The following ACAP2 variants were observed in gnomAD, a reference collection of about 807,000 sequenced individuals.
ACAP2 encodes ArfGAP with coiled-coil, ankyrin repeat and PH domains 2.
Under a neutral mutation model 115.8 loss-of-function variants are expected in ACAP2, and 39 were observed. That is an observed-to-expected ratio of 0.34 (90% CI 0.26 to 0.44). ACAP2 has a LOEUF of 0.44. Among genes scored for constraint, ACAP2 ranks in the 20% least tolerant of loss-of-function variants. The pLI is 1.00. For synonymous variants in ACAP2, 289 were observed against 315.8 expected (o/e 0.92, Z 0.90); for missense variants, 662 against 927.6 (o/e 0.71, Z 3.72).
At chr3:195,356,297 G>A (rs1438854442) in intron 4 of ACAP2, 3 of 414,848 alleles carry the variant, frequency 7.2e-6, no homozygotes, top group Non-Finnish European at 1.5e-5. Context: ...CCAGCCCCAG[G>A]GACAGGACAA....
chr3:195,345,141 A>G, intron 5 of ACAP2, 118 bp downstream of exon 5: 1 of 751,216 alleles, frequency 1.3e-6, no homozygotes, highest in Middle Eastern at 3.2e-4. Flanking sequence ...TTCACAAAGC[A>G]AACAAAATGT....
intron 4 of ACAP2, among the ~76,000 whole-genome samples, chr3:195,347,116 T>C (rs1731237209): frequency 6.6e-6 from 1 of 152,160 alleles, no homozygotes; most frequent in African/African-American, 2.4e-5. Flanking sequence ...TTTGTTATAT[T>C]TAAATTTAAA....
chr3:195,390,561 C>T (rs1413706459), intron 2 of ACAP2, among the ~76,000 whole-genome samples: 2 of 152,092 alleles, frequency 1.3e-5, no homozygotes, highest in African/African-American at 2.4e-5. Context: ...TATTTTATAT[C>T]CTTGCTACTC....
At chr3:195,364,087 G>A (rs1732551323) in intron 4 of ACAP2, among the ~76,000 whole-genome samples, 1 of 152,086 alleles carries the variant, frequency 6.6e-6, no homozygotes, top group Admixed American at 6.6e-5. Flanking sequence ...GGCAACCAAG[G>A]CAAAAGTGGA....
At chr3:195,365,880 G>A (rs13317705) in intron 4 of ACAP2, among the ~76,000 whole-genome samples, 35,709 of 144,480 alleles carry the variant, frequency 0.25, 5,009 homozygotes, top group East Asian at 0.72. Flanking sequence ...TTCCTTTGCC[G>A]CCTAAGCTGG....
At chr3:195,309,130 T>A (rs1481958470) in intron 10 of ACAP2, among the ~76,000 whole-genome samples, 3 of 152,214 alleles carry the variant, frequency 2.0e-5, no homozygotes, top group African/African-American at 7.2e-5. Context: ...CACCAAATAA[T>A]AACTGTTTTA....
chr3:195,412,139 T>C (rs533970521), intron 1 of ACAP2, among the ~76,000 whole-genome samples: 6 of 120,720 alleles, frequency 5.0e-5, no homozygotes, highest in Non-Finnish European at 9.6e-5. Context: ...AAGACCAGCC[T>C]GGGTCACAGA....
intron 1 of ACAP2, among the ~76,000 whole-genome samples, chr3:195,432,429 A>G (rs1715200248): frequency 3.9e-5 from 6 of 152,200 alleles, no homozygotes; most frequent in Admixed American, 2.6e-4. Flanking sequence ...TCTTTGCACC[A>G]TTTGTTCAAA....
intron 10 of ACAP2, among the ~76,000 whole-genome samples, chr3:195,314,561 GC>G (rs1728969948): frequency 6.6e-6 from 1 of 152,164 alleles, no homozygotes; most frequent in African/African-American, 2.4e-5. Flanking sequence ...GAGCCACCAT[GC>G]CCAGCCAGAA....
chr3:195,296,018 T>G lies in ACAP2; in HGVS notation c.1488-126A>C, dbSNP rs576682026. ...GAATGTAATACTGGTTAAAACTGAA[T>G]CTGTGACATTATACATATATATATT... On this transcript the variant is annotated intron_variant, in intron 16 of 22. Transcript: ENST00000326793. 64 of 686,096 alleles carry G rather than the reference T, an allele frequency of 9.3e-5. 1 individual carries two copies. In the African/African-American group the frequency reaches 1.0e-3, roughly 11 times the overall value. The allele number at this position is 686,096 out of a possible 1,614,324, so 42.5% of individuals were successfully genotyped here.
intron 4 of ACAP2, among the ~76,000 whole-genome samples, chr3:195,373,145 T>C (rs1031418608): frequency 6.6e-6 from 1 of 152,032 alleles, no homozygotes; most frequent in Admixed American, 6.6e-5. Flanking sequence ...TAAGAATTTA[T>C]TTGGAGCCAG....
At chr3:195,414,694 C>G (rs1004299476) in intron 1 of ACAP2, among the ~76,000 whole-genome samples, 3 of 152,132 alleles carry the variant, frequency 2.0e-5, no homozygotes, top group African/African-American at 7.2e-5. Flanking sequence ...TTTTGAGCAA[C>G]CACATGACAC....
chr3:195,410,635 A>T (rs1315741662), intron 1 of ACAP2: 1 of 152,538 alleles, frequency 6.6e-6, no homozygotes, highest in African/African-American at 2.4e-5. Flanking sequence ...ACGACTGGCC[A>T]ATCAGCACAT....
intron 4 of ACAP2, among the ~76,000 whole-genome samples, chr3:195,370,747 C>T (rs1055349030): frequency 5.3e-5 from 8 of 152,004 alleles, no homozygotes; most frequent in Non-Finnish European, 1.0e-4. Flanking sequence ...ATCAGGAGTT[C>T]GAGACCAGCC....
At chr3:195,326,570 G>C (rs1396912138) in intron 9 of ACAP2, 1 of 253,816 alleles carries the variant, frequency 3.9e-6, no homozygotes, top group Non-Finnish European at 7.7e-6. Context: ...GGAGTTGGTG[G>C]TATCCTAAAT....
At chr3:195,422,112 A>T (rs1160880987) in intron 1 of ACAP2, among the ~76,000 whole-genome samples, 6 of 152,208 alleles carry the variant, frequency 3.9e-5, no homozygotes, top group Admixed American at 3.9e-4. Context: ...CTCTTATGAA[A>T]TGAATCAAGA....
chr3:195,366,747 G>T (rs909317957), intron 4 of ACAP2, among the ~76,000 whole-genome samples: 2 of 152,168 alleles, frequency 1.3e-5, no homozygotes, highest in Non-Finnish European at 2.9e-5. Context: ...TTACTGAGAA[G>T]AATTCATGAA....
chr3:195,440,031 T>C (rs1371075422), intron 1 of ACAP2, among the ~76,000 whole-genome samples: 1 of 152,142 alleles, frequency 6.6e-6, no homozygotes, highest in African/African-American at 2.4e-5. Context: ...CCCAAACAAA[T>C]TCCAACTTCA....
At chr3:195,334,015 A>G (rs2108631137) in intron 7 of ACAP2, among the ~76,000 whole-genome samples, 1 of 152,276 alleles carries the variant, frequency 6.6e-6, no homozygotes, top group Non-Finnish European at 1.5e-5. Flanking sequence ...AAGTTTTCCT[A>G]TATCTTACCT....
Sources: allele counts gnomAD v4.1 joint callset (sites outside exome capture counted in the v4.1 genomes callset), GRCh38; gene constraint gnomAD v4.1.1; transcripts MANE v1.5; gene names NCBI Gene and HGNC (gene_info 2026-07-23, HGNC 2026-07-21).